The following ACYP2 variants were observed in gnomAD, a reference collection of about 807,000 sequenced individuals.
The protein encoded by ACYP2 is acylphosphatase 2.
A neutral mutation model predicts 11.2 loss-of-function variants in ACYP2; 12 were observed. The ratio of observed to expected loss-of-function variants is 1.08; its 90% CI spans 0.69 to 1.74. ACYP2 has a LOEUF of 1.74. ACYP2 is among the 40% of genes most tolerant of loss of function. The pLI, the probability that ACYP2 is intolerant of heterozygous loss-of-function variation, is 0.00. For missense variants in ACYP2, 134 were observed against 101.9 expected (o/e 1.31, Z -1.35); for synonymous variants, 43 against 32.2 (o/e 1.33, Z -1.13).
At chr2:53,999,539 G>T (rs1278354136) in intron 2 of ACYP2, among the ~76,000 whole-genome samples, 1 of 152,148 alleles carries the variant, frequency 6.6e-6, no homozygotes, top group African/African-American at 2.4e-5. Context: ...GCCCCTTTGG[G>T]TCAGTGCTGA....
intron 6 of ACYP2, among the ~76,000 whole-genome samples, chr2:54,202,239 G>T (rs1010922783): frequency 1.3e-5 from 2 of 151,990 alleles, no homozygotes; most frequent in African/African-American, 4.8e-5. Flanking sequence ...ATCCCAAGTA[G>T]CTGGGACTAC....
chr2:54,278,083 T>G (rs1369562100), intron 6 of ACYP2, among the ~76,000 whole-genome samples: 2 of 152,166 alleles, frequency 1.3e-5, no homozygotes, highest in African/African-American at 4.8e-5. Flanking sequence ...GTTCATGCCA[T>G]TCTCCCGCCT....
chr2:54,212,767 G>A (rs922476803), intron 6 of ACYP2, among the ~76,000 whole-genome samples: 6 of 152,012 alleles, frequency 3.9e-5, no homozygotes, highest in Admixed American at 1.3e-4. Flanking sequence ...GATAAATTAC[G>A]TTTATTTCAT....
intron 6 of ACYP2, among the ~76,000 whole-genome samples, chr2:54,297,414 C>G (rs1005856199): frequency 2.6e-5 from 4 of 152,108 alleles, no homozygotes; most frequent in African/African-American, 9.7e-5. Flanking sequence ...GGGAGGATAG[C>G]TGAAGCTCAG....
chr2:54,225,703 A>G lies in ACYP2; in HGVS notation c.405-78985A>G, dbSNP rs577177531. ...TTTAAAGGAAATAAGTGTATAATAT[A>G]TTATCCATACTAAATGAGAGGACCC... On this transcript the variant is annotated intron_variant, in intron 6 of 6. Coordinates refer to ENST00000607452, the MANE Select transcript of ACYP2 (RefSeq NM_001320586.2). Among the ~76,000 whole-genome samples the G allele has an allele frequency of 8.5e-5, 13 of 152,264 alleles. No homozygotes were observed. The East Asian group carries it at 2.3e-3, about 27-fold the overall frequency.
At chr2:54,142,021 T>TG (rs1349041489) in intron 6 of ACYP2, 11 of 230,018 alleles carry the variant, frequency 4.8e-5, no homozygotes, top group Admixed American at 2.2e-4. Flanking sequence ...GTATATTTTG[T>TG]TGTTGTTGTT....
rs1291742853 is a variant in ACYP2 at position 54,240,614 on chromosome 2, C to T, written c.405-64074C>T. 2.6e-5 allele frequency among the ~76,000 whole-genome samples: 4 copies of T among 152,168 alleles called. No homozygotes were observed. The East Asian group carries it at 7.7e-4, about 29-fold the overall frequency. On this transcript the variant is annotated intron_variant, in intron 6 of 6. Transcript: ENST00000607452. ...CTCAAAACTTTGTCTTTGCGGCACT[C>T]CCTGCCTCATCATACTTGTGACAAG...
intron 2 of ACYP2, among the ~76,000 whole-genome samples, chr2:54,045,916 A>C (rs1383186422): frequency 2.6e-5 from 4 of 152,220 alleles, no homozygotes; most frequent in African/African-American, 9.6e-5. Context: ...CAGGCCTGTA[A>C]TCCCAGCACT....
Position 54,025,675 on chromosome 2 carries a change from A to G in ACYP2, c.63-25283A>G, listed in dbSNP as rs190193407. Among the ~76,000 whole-genome samples, 696 of 152,350 alleles carry G rather than the reference A, an allele frequency of 4.6e-3. 4 individuals are homozygous for G. The highest frequency in any genetic ancestry group is 7.0e-3 in the Non-Finnish European group (476 of 68,030). On this transcript the variant is annotated intron_variant, in intron 2 of 6. Coordinates refer to ENST00000607452, the MANE Select transcript of ACYP2 (RefSeq NM_001320586.2). ...TCTAGACATTGTCTTAGTCTGAGAC[A>G]TCGACTTAGTCTAAGACATCATGAC...
chr2:54,192,707 G>A (rs1481144552), intron 6 of ACYP2, among the ~76,000 whole-genome samples: 3 of 152,122 alleles, frequency 2.0e-5, no homozygotes, highest in African/African-American at 7.2e-5. Flanking sequence ...AGAACTGCCC[G>A]AGATTGGGTA....
chr2:54,177,483 T>G (rs1481691846), intron 6 of ACYP2, among the ~76,000 whole-genome samples: 1 of 152,102 alleles, frequency 6.6e-6, no homozygotes, highest in East Asian at 1.9e-4. Context: ...TGGTTTCTTA[T>G]CCTTGCCCAC....
intron 2 of ACYP2, among the ~76,000 whole-genome samples, chr2:53,976,049 A>T (rs1671467568): frequency 6.6e-6 from 1 of 152,148 alleles, no homozygotes; most frequent in Non-Finnish European, 1.5e-5. Flanking sequence ...TATGTCTTTG[A>T]TGTGCTTATT....
At chr2:54,055,195 C>A (rs1309125371) in intron 3 of ACYP2, among the ~76,000 whole-genome samples, 2 of 152,084 alleles carry the variant, frequency 1.3e-5, no homozygotes, top group African/African-American at 2.4e-5. Flanking sequence ...CACCACCACA[C>A]CTAGCTAATT....
At chr2:54,116,891 TGGCGG>T (rs1679841393) in intron 4 of ACYP2, among the ~76,000 whole-genome samples, 1 of 151,964 alleles carries the variant, frequency 6.6e-6, no homozygotes, top group Non-Finnish European at 1.5e-5. Flanking sequence ...CGAGCTCAAG[TGGCGG>T]GGTGAATAAT....
At chr2:54,237,533 G>T (rs966342082) in intron 6 of ACYP2, among the ~76,000 whole-genome samples, 1 of 152,106 alleles carries the variant, frequency 6.6e-6, no homozygotes, top group Non-Finnish European at 1.5e-5. Context: ...TACTGGTAGA[G>T]AATTTTAGGT....
chr2:54,141,934 C>A, intron 6 of ACYP2: 1 of 597,338 alleles, frequency 1.7e-6, no homozygotes, highest in Non-Finnish European at 3.1e-6. Flanking sequence ...ACCTTCTGGG[C>A]TCAAGTGATC....
At chr2:54,178,822 C>A (rs1237511197) in intron 6 of ACYP2, among the ~76,000 whole-genome samples, 1 of 152,138 alleles carries the variant, frequency 6.6e-6, no homozygotes, top group Non-Finnish European at 1.5e-5. Context: ...ACAAAGTAAC[C>A]ATGAACTTTT....
intron 6 of ACYP2, among the ~76,000 whole-genome samples, chr2:54,154,588 T>C (rs772118094): frequency 2.0e-4 from 30 of 152,240 alleles, no homozygotes; most frequent in Non-Finnish European, 3.5e-4. Flanking sequence ...TAGATTTGCA[T>C]GTGTTGAATC....
intron 6 of ACYP2, among the ~76,000 whole-genome samples, chr2:54,303,385 C>T (rs1689801682): frequency 6.6e-6 from 1 of 150,914 alleles, no homozygotes. Context: ...GTTGTTAGTG[C>T]TTAATAAATT....
Sources: gnomAD v4.1 joint callset for allele counts (sites outside exome capture counted in the v4.1 genomes callset) on GRCh38, gnomAD v4.1.1 for gene constraint, MANE v1.5 for transcripts, NCBI Gene and HGNC (gene_info 2026-07-23, HGNC 2026-07-21) for gene names.